Variants in PAFAH1B1 observed in about 807,000 individuals in gnomAD.
PAFAH1B1 encodes the protein platelet activating factor acetylhydrolase 1b regulatory subunit 1.
A neutral mutation model predicts 57.5 loss-of-function variants in PAFAH1B1; 2 were observed. The observed-to-expected ratio is 0.03, with a 90% CI of 0.01 to 0.11. The LOEUF (loss-of-function observed/expected upper bound fraction) is 0.11, where lower values mean the gene tolerates loss of function less well. Ranked by LOEUF, PAFAH1B1 falls within the 10% of genes least tolerant of loss-of-function variation. The pLI is 1.00. For synonymous variants in PAFAH1B1, 152 were observed against 169.6 expected, an observed-to-expected ratio of 0.90 and a Z score of 0.81; for missense variants, 257 against 512.0, an observed-to-expected ratio of 0.50 and a Z score of 4.81.
At chr17:2,602,565 A>G (rs1567522898) in intron 1 of PAFAH1B1, among the ~76,000 whole-genome samples, 1 of 152,120 alleles carries the variant, frequency 6.6e-6, no homozygotes. Flanking sequence ...TACTACTACC[A>G]TCATAGTTCA....
intron 3 of PAFAH1B1, among the ~76,000 whole-genome samples, chr17:2,665,748 C>T (rs562074719): frequency 6.6e-6 from 1 of 152,094 alleles, no homozygotes; most frequent in South Asian, 2.1e-4. Flanking sequence ...ATTACAGGCA[C>T]GCACCACCAC....
At chr17:2,600,592 A>G (rs2068131938) in intron 1 of PAFAH1B1, among the ~76,000 whole-genome samples, 1 of 151,578 alleles carries the variant, frequency 6.6e-6, no homozygotes, top group South Asian at 2.1e-4. Context: ...AAAAACCAAA[A>G]AAAGAAAGAA....
At chr17:2,681,540 G>A (rs145990395) in intron 10 of PAFAH1B1, 189 bp from the exon 11 acceptor site, 5 of 572,200 alleles carry the variant, frequency 8.7e-6, no homozygotes, top group African/African-American at 7.5e-5. Flanking sequence ...GTCATGGCTC[G>A]CTGCAGCCTC....
intron 6 of PAFAH1B1, among the ~76,000 whole-genome samples, chr17:2,671,551 A>ATTTT (rs1262047102): frequency 2.0e-5 from 3 of 150,592 alleles, no homozygotes; most frequent in Non-Finnish European, 3.0e-5. Flanking sequence ...TAACTTTAAA[A>ATTTT]AGAGTTCTTT....
intron 9 of PAFAH1B1, among the ~76,000 whole-genome samples, chr17:2,678,559 CTG>C (rs1169892859): frequency 6.6e-6 from 1 of 151,642 alleles, no homozygotes; most frequent in Admixed American, 6.6e-5. Context: ...AAGTAAGACT[CTG>C]TCTCCAGGAA....
intron 2 of PAFAH1B1, among the ~76,000 whole-genome samples, chr17:2,653,712 CTA>C (rs1461194668): frequency 1.3e-5 from 2 of 152,098 alleles, no homozygotes; most frequent in Non-Finnish European, 2.9e-5. Flanking sequence ...AAGACTATAA[CTA>C]TAATCTAAAT....
At chr17:2,633,413 C>T (rs1567538044) in intron 1 of PAFAH1B1, among the ~76,000 whole-genome samples, 1 of 151,822 alleles carries the variant, frequency 6.6e-6, no homozygotes, top group Non-Finnish European at 1.5e-5. Context: ...GGTAATCCAC[C>T]TGCCTCAGCC....
rs1447701331 is a variant in PAFAH1B1 at position 2,684,193 on chromosome 17, T to G, written c.*2391T>G. 6.6e-6 allele frequency: 1 copy of G among 152,586 alleles called. No individual in the cohort carries two copies. The highest frequency in any genetic ancestry group is 1.9e-4 in the East Asian group (1 of 5,206). 9.5% of individuals were successfully genotyped at this position (152,586 alleles called of 1,614,324 possible). On this transcript the variant is annotated 3_prime_UTR_variant, in exon 11 of 11. Coordinates refer to ENST00000397195, the MANE Select transcript of PAFAH1B1 (RefSeq NM_000430.4). ...GGGATGGCCCACAACTGGGTCCACATGTAATGAGCCCTGTTTAATAACGAA... is the reference window on the plus strand; with the variant it reads ...GGGATGGCCCACAACTGGGTCCACAGGTAATGAGCCCTGTTTAATAACGAA...
At chr17:2,652,222 A>G (rs528236667) in intron 2 of PAFAH1B1, among the ~76,000 whole-genome samples, 34 of 152,028 alleles carry the variant, frequency 2.2e-4, no homozygotes, top group South Asian at 6.2e-4. Flanking sequence ...CATCCTGGCT[A>G]ACACGGTGAA....
At chr17:2,651,343 G>A (rs993951674) in intron 2 of PAFAH1B1, among the ~76,000 whole-genome samples, 2 of 150,540 alleles carry the variant, frequency 1.3e-5, no homozygotes, top group African/African-American at 4.9e-5. Context: ...TTGGGAGACT[G>A]AGGCAGGCGG....
intron 2 of PAFAH1B1, among the ~76,000 whole-genome samples, chr17:2,645,277 G>T (rs911153292): frequency 2.0e-5 from 3 of 151,916 alleles, no homozygotes; most frequent in African/African-American, 7.3e-5. Context: ...TTCAAGCAAA[G>T]AAAATTTGTC....
chr17:2,665,479 CA>C (rs750482843), intron 3 of PAFAH1B1, 23 bp downstream of exon 3: 18 of 1,320,596 alleles, frequency 1.4e-5, no homozygotes, highest in Non-Finnish European at 1.9e-5. Flanking sequence ...TTTTACAATT[CA>C]AAGTATAGTT....
chr17:2,634,764 C>T (rs904235555), intron 1 of PAFAH1B1, among the ~76,000 whole-genome samples: 4 of 152,172 alleles, frequency 2.6e-5, no homozygotes, highest in East Asian at 1.9e-4. Context: ...TGCTCAGCTT[C>T]GTCCTGAGTC....
At chr17:2,613,304 G>T in intron 1 of PAFAH1B1, 1 of 225,992 alleles carries the variant, frequency 4.4e-6, no homozygotes, top group East Asian at 9.7e-5. Flanking sequence ...GGAAGGGTCT[G>T]GGGGCCCTGG....
chr17:2,596,275 G>A lies in PAFAH1B1; in HGVS notation c.-191+2269G>A, dbSNP rs927531328. Among the ~76,000 whole-genome samples the A allele has an allele frequency of 2.6e-5, 4 of 152,076 alleles. No homozygotes were observed. In the South Asian group the frequency reaches 8.3e-4, roughly 31 times the overall value. On this transcript the variant is annotated intron_variant, in intron 1 of 10. Transcript: ENST00000397195. ...TCTCGCCATATAAGTATAAATTAAT[G>A]TCAGAAATATTTGGCAAGAAATAGG...
intron 1 of PAFAH1B1, among the ~76,000 whole-genome samples, chr17:2,611,478 A>T (rs377154760): frequency 3.7e-4 from 56 of 151,296 alleles, no homozygotes; most frequent in East Asian, 2.7e-3. Context: ...GGGGCAAAAA[A>T]AAAAAATAAA....
At chr17:2,603,124 T>A (rs1444247574) in intron 1 of PAFAH1B1, among the ~76,000 whole-genome samples, 2 of 152,216 alleles carry the variant, frequency 1.3e-5, no homozygotes, top group African/African-American at 4.8e-5. Flanking sequence ...ACTTGTAGTA[T>A]CTCAGAACAG....
At chr17:2,680,359 G>C (rs746840276) in intron 10 of PAFAH1B1, 39 bp downstream of exon 10, 8 of 1,582,822 alleles carry the variant, frequency 5.1e-6, no homozygotes, top group Non-Finnish European at 6.1e-6. Context: ...ATTAGATTTT[G>C]GAGTGCCAGA....
chr17:2,648,146 A>G lies in PAFAH1B1; in HGVS notation c.32+9826A>G, dbSNP rs529728125. The stretch of plus-strand genomic sequence containing the variant: ...TCACATAGTGGCAGAAAGGAGAAGA[A>G]TGAGAGACGAGTGAAGGGGGAAGCC... On this transcript the variant is annotated intron_variant, in intron 2 of 10. Coordinates refer to ENST00000397195, the MANE Select transcript of PAFAH1B1 (RefSeq NM_000430.4). Among the ~76,000 whole-genome samples the G allele has an allele frequency of 9.2e-5, 14 of 152,290 alleles. No individual in the cohort carries two copies. The East Asian group carries it at 2.5e-3, about 27-fold the overall frequency.
Sources: allele counts gnomAD v4.1 joint callset (sites outside exome capture counted in the v4.1 genomes callset), GRCh38; gene constraint gnomAD v4.1.1; transcripts MANE v1.5; gene names NCBI Gene and HGNC (gene_info 2026-07-23, HGNC 2026-07-21).